TASOR2: variants seen among roughly 807,000 people sequenced by gnomAD.
TASOR2 encodes the protein transcription activation suppressor family member 2.
In TASOR2, 84 loss-of-function variants were observed where a neutral mutation model predicts 199.5. The observed-to-expected ratio is 0.42, with a 90% CI of 0.35 to 0.50. The LOEUF (loss-of-function observed/expected upper bound fraction) is 0.50, where lower values mean the gene tolerates loss of function less well. TASOR2 is among the 20% of genes least tolerant of loss of function. The pLI, the probability that TASOR2 is intolerant of heterozygous loss-of-function variation, is 0.02. For missense variants in TASOR2, 2,796 were observed against 2,835.9 expected, an observed-to-expected ratio of 0.99 and a Z score of 0.32; for synonymous variants, 1,103 against 1,046.6, an observed-to-expected ratio of 1.05 and a Z score of -1.04.
chr10:5,695,146 A>G (rs1836993271), intron 1 of TASOR2, among the ~76,000 whole-genome samples: 1 of 152,176 alleles, frequency 6.6e-6, no homozygotes, highest in Non-Finnish European at 1.5e-5. Context: ...AGTATTATTT[A>G]TTCTTCAGTT....
chr10:5,710,593 C>G lies in TASOR2; in HGVS notation c.-287-2230C>G, dbSNP rs1831789676. On this transcript the variant is annotated intron_variant, in intron 1 of 20. Coordinates refer to ENST00000328090, the Ensembl canonical transcript of TASOR2. This position sits in a 1 kb window ranked among gnomAD's most constrained non-coding sequence, Gnocchi z 4.6. ...GTATTAGTGTTTTTAATTGCACCAT[C>G]TCTTCAGTTTTCAGTTCATTATTGT... Among the ~76,000 whole-genome samples, 1 of 152,044 alleles carries G rather than the reference C, an allele frequency of 6.6e-6. No individual in the cohort carries two copies. Among genetic ancestry groups the G allele is most frequent in the Admixed American group, 6.5e-5 (1 of 15,270 alleles).
exon 1 of TASOR2, chr10:5,684,944 C>T (rs1324939578): frequency 2.5e-6 from 1 of 397,892 alleles, no homozygotes; most frequent in Non-Finnish European, 4.4e-6. Context: ...AGACAGAGCG[C>T]GGGCGGCCGC....
Position 5,748,458 on chromosome 10 carries a change from G to A in TASOR2, c.5037G>A (p.Val1679=), listed in dbSNP as rs372757738. 1.6e-5 allele frequency: 26 copies of A among 1,614,046 alleles called. No homozygotes were observed. In the African/African-American group the frequency reaches 1.9e-4, roughly 12 times the overall value. ...TAAGACCAATAAATGCAGAGCCAGT[G>A]TTTCAAGCACAGGAAATACCAGCAG... Residue 1679 remains valine (V), a synonymous_variant, in exon 15 of 21, where the codon GTG becomes GTA. Transcript: ENST00000328090. This position sits in a 1 kb window ranked among gnomAD's most constrained non-coding sequence, Gnocchi z 5.1.
rs1837880151 is a variant in TASOR2, at chr10:5,750,473, T to G, written c.6606+446T>G. Among the ~76,000 whole-genome samples, 2 of 152,236 alleles carry G rather than the reference T, an allele frequency of 1.3e-5. No homozygotes were observed. The highest frequency in any genetic ancestry group is 2.9e-5 in the Non-Finnish European group (2 of 68,040). On this transcript the variant is annotated intron_variant, in intron 15 of 20. Coordinates refer to ENST00000328090, the Ensembl canonical transcript of TASOR2. The surrounding 1 kb of genome is among the most constrained non-coding windows in gnomAD (Gnocchi z 5.4). ...GTGAGTACATGGAGTACATAGTCCTTAAATTTAAGTAATGGAACCATGGTG... is the reference window on the plus strand; with the variant it reads ...GTGAGTACATGGAGTACATAGTCCTGAAATTTAAGTAATGGAACCATGGTG...
chr10:5,714,031 T>C (rs1329664221), intron 2 of TASOR2, 104 bp from the exon 3 acceptor site: 3 of 527,434 alleles, frequency 5.7e-6, no homozygotes, highest in African/African-American at 4.1e-5. Flanking sequence ...TGAGACCTTG[T>C]CTCTATTGTA....
Position 5,720,571 on chromosome 10 carries a change from A to T in TASOR2, c.-72A>T. On this transcript the variant is annotated 5_prime_UTR_variant, in exon 4 of 21. Coordinates refer to ENST00000328090, the Ensembl canonical transcript of TASOR2. The surrounding 1 kb of genome is among the most constrained non-coding windows in gnomAD (Gnocchi z 5.3). ...TTACTTTTACGAACTTTCAGGCAAC[A>T]CCGTTATTGAACGACCCAGACAGAT... is the stretch of plus-strand genomic sequence containing the variant. 6.2e-7 allele frequency: 1 copy of T among 1,607,724 alleles called. No individual in the cohort carries two copies. Among genetic ancestry groups the T allele is most frequent in the East Asian group, 2.2e-5 (1 of 44,780 alleles).
At chr10:5,745,044 G>A (rs1836987062) in intron 14 of TASOR2, among the ~76,000 whole-genome samples, 1 of 152,332 alleles carries the variant, frequency 6.6e-6, no homozygotes, top group Admixed American at 6.5e-5. Flanking sequence ...TTGCAGAGGG[G>A]TGTGATCAGT....
rs1836594500 is a variant in TASOR2, at chr10:5,742,578, A to G, written c.2757+52A>G. On this transcript the variant is annotated intron_variant, in intron 14 of 20. Coordinates refer to ENST00000328090, the Ensembl canonical transcript of TASOR2. This position sits in a 1 kb window ranked among gnomAD's most constrained non-coding sequence, Gnocchi z 4.2. Reference sequence around the variant, plus strand: ...GTTGGCATTATTTTTGAAGAAAAAAATGTTTATATGTAAAATCACATTCAA... The same window carrying G: ...GTTGGCATTATTTTTGAAGAAAAAAGTGTTTATATGTAAAATCACATTCAA... 2 of 1,503,510 alleles carry G rather than the reference A, an allele frequency of 1.3e-6. No homozygotes were observed. The highest frequency in any genetic ancestry group is 1.4e-5 in the African/African-American group (1 of 70,814). The allele number at this position is 1,503,510 out of a possible 1,614,324, so 93.1% of individuals were successfully genotyped here.
chr10:5,743,106 G>A (rs1836668642), intron 14 of TASOR2, among the ~76,000 whole-genome samples: 1 of 152,210 alleles, frequency 6.6e-6, no homozygotes, highest in African/African-American at 2.4e-5. Flanking sequence ...TTTACCTGGA[G>A]CAAATCTAAA....
In TASOR2 at chr10:5,761,085, G is replaced by A. The variant is rs906648965; in HGVS notation, c.6993-205G>A. The A allele has an allele frequency of 2.5e-5, 13 of 525,946 alleles. No homozygotes were observed. In the Admixed American group the frequency reaches 2.8e-4, roughly 11 times the overall value. The allele number at this position is 525,946 out of a possible 1,614,324, so 32.6% of individuals were successfully genotyped here. A position where few individuals can be genotyped will look rare whatever the true frequency, so the allele number is the denominator to read the frequency against. The stretch of plus-strand genomic sequence containing the variant: ...AGGTAGATGCATGATGTCCCTCTTA[G>A]AATGAGGCCCATGTTTAAAATCCAC... On this transcript the variant is annotated intron_variant, in intron 18 of 20. Transcript: ENST00000328090.
rs61729834 is a variant in TASOR2 at position 5,747,944 on chromosome 10, A to C, written c.4523A>C (p.His1508Pro). The change falls in exon 15 of 21, where the codon CAT (histidine) becomes CCT (proline). Residue 1508 changes from histidine (H) to proline (P), a missense_variant. His to Pro is a moderately conservative substitution (Grantham distance 77). Transcript: ENST00000328090. ...ACTGAGGAAATTGTCTCAAGTGAGC[A>C]TGATGAGGGTTTATCTTTCTCAGGA... is the stretch of plus-strand genomic sequence containing the variant. 2.5e-6 allele frequency: 4 copies of C among 1,613,740 alleles called. No homozygotes were observed. The highest frequency in any genetic ancestry group is 2.7e-5 in the African/African-American group (2 of 74,924).
chr10:5,747,289 C>A, exon 15 of TASOR2: 1 of 1,614,136 alleles, frequency 6.2e-7, no homozygotes, highest in African/African-American at 1.3e-5. Flanking sequence ...AACAATATCA[C>A]CACCTACAAG....
rs1007602801 is a variant in TASOR2 at position 5,706,968 on chromosome 10, C to T, written c.-287-5855C>T. ...CAGTGAACCAGAATCAAGCCACTTA[C>T]GCTCCAGCCTGGGCCACGGAGCAAG... On this transcript the variant is annotated intron_variant, in intron 1 of 20. Coordinates refer to ENST00000328090, the Ensembl canonical transcript of TASOR2. The surrounding 1 kb of genome is among the most constrained non-coding windows in gnomAD (Gnocchi z 4.8). 6.6e-6 allele frequency among the ~76,000 whole-genome samples: 1 copy of T among 151,430 alleles called. No homozygotes were observed. Among genetic ancestry groups the T allele is most frequent in the Admixed American group, 6.6e-5 (1 of 15,224 alleles).
In TASOR2 at chr10:5,740,469, G is replaced by T; in HGVS notation, c.2299G>T (p.Glu767Ter). 6.2e-7 allele frequency: 1 copy of T among 1,612,882 alleles called. No individual in the cohort carries two copies. Among genetic ancestry groups the T allele is most frequent in the South Asian group, 1.1e-5 (1 of 91,050 alleles). ...CAGCAAATATACCAACAACCCACTGGAGAAAACTGTAGTAAGAGCATTACA... is the reference window on the plus strand; with the variant it reads ...CAGCAAATATACCAACAACCCACTGTAGAAAACTGTAGTAAGAGCATTACA... Residue 767 changes from glutamate (E) to a stop codon, truncating the protein, a stop_gained, in exon 13 of 21, where the codon GAG becomes TAG. Coordinates refer to ENST00000328090, the Ensembl canonical transcript of TASOR2. LOFTEE classifies it high-confidence loss of function. This position sits in a 1 kb window ranked among gnomAD's most constrained non-coding sequence, Gnocchi z 5.3.
intron 6 of TASOR2, among the ~76,000 whole-genome samples, chr10:5,721,475 T>C (rs1247027345): frequency 6.6e-6 from 1 of 152,186 alleles, no homozygotes; most frequent in Non-Finnish European, 1.5e-5. Context: ...CCCAAAACCA[T>C]TAAGAAATAG....
rs547780883 is a variant in TASOR2 at position 5,706,318 on chromosome 10, A to G, written c.-287-6505A>G. Among the ~76,000 whole-genome samples, 67 of 152,312 alleles carry G rather than the reference A, an allele frequency of 4.4e-4. No homozygotes were observed. The highest frequency in any genetic ancestry group is 1.6e-3 in the African/African-American group (67 of 41,572). The stretch of plus-strand genomic sequence containing the variant: ...CTTTTTCAAAATTGTTTTGGCTTAT[A>G]TCTTTCTTATATAAATTTTAGAATC... On this transcript the variant is annotated intron_variant, in intron 1 of 20. Coordinates refer to ENST00000328090, the Ensembl canonical transcript of TASOR2. The surrounding 1 kb of genome is among the most constrained non-coding windows in gnomAD (Gnocchi z 4.8).
chr10:5,715,155 C>T (rs1832448998), intron 2 of TASOR2, among the ~76,000 whole-genome samples: 1 of 150,900 alleles, frequency 6.6e-6, no homozygotes, highest in Non-Finnish European at 1.5e-5. Flanking sequence ...GTGCCAGGTG[C>T]TATGTAGAAT....
At chr10:5,756,447 T>C (rs1396427917) in intron 15 of TASOR2, among the ~76,000 whole-genome samples, 166 bp from the exon 17 acceptor site, 1 of 152,240 alleles carries the variant, frequency 6.6e-6, no homozygotes, top group Non-Finnish European at 1.5e-5. Context: ...TAACAATACC[T>C]GATTCATTTA....
At position 5,685,034 on chromosome 10, in the gene TASOR2, C is replaced by A. The variant is rs1564234134; in HGVS notation, c.-429C>A. On this transcript the variant is annotated 5_prime_UTR_variant, in exon 1 of 21. Transcript: ENST00000328090. This position sits in a 1 kb window ranked among gnomAD's most constrained non-coding sequence, Gnocchi z 5.4. The stretch of plus-strand genomic sequence containing the variant: ...CCCCTGAGGGGGGTCCCCGCGGGAG[C>A]GCGGAGCCGGCGACTGGTGCTTCCC... The A allele has an allele frequency of 7.5e-6, 3 of 397,660 alleles. No homozygotes were observed. Among genetic ancestry groups the A allele is most frequent in the Non-Finnish European group, 1.3e-5 (3 of 225,456 alleles). 24.6% of individuals were successfully genotyped at this position (397,660 alleles called of 1,614,324 possible). A position where few individuals can be genotyped will look rare whatever the true frequency, so the allele number is the denominator to read the frequency against.
Sources: allele counts gnomAD v4.1 joint callset (sites outside exome capture counted in the v4.1 genomes callset), GRCh38; gene constraint gnomAD v4.1.1; non-coding constraint Gnocchi (gnomAD v3.1); transcripts MANE v1.5; gene names NCBI Gene and HGNC (gene_info 2026-07-23, HGNC 2026-07-21).